The following RAB31 variants were observed in gnomAD, a reference collection of about 807,000 sequenced individuals.
RAB31 encodes the protein ras-related protein Rab-31.
RAB31 carries 21 observed loss-of-function variants against 25.6 expected under a neutral mutation model. That is an observed-to-expected ratio of 0.82 (90% confidence interval 0.58 to 1.18). The LOEUF (loss-of-function observed/expected upper bound fraction) is 1.18. Ranked by LOEUF, RAB31 falls within the 50% of genes most tolerant of loss-of-function variation. The pLI, the probability that RAB31 is intolerant of heterozygous loss-of-function variation, is 0.00. For missense variants in RAB31, 196 were observed against 250.1 expected (o/e 0.78, Z 1.46); for synonymous variants, 87 against 84.0 (o/e 1.04, Z -0.20).
chr18:9,708,581 C>A lies in RAB31; in HGVS notation c.39+137C>A. The A allele has an allele frequency of 2.6e-6, 2 of 761,696 alleles. No individual in the cohort carries two copies. The highest frequency in any genetic ancestry group is 2.5e-5 in the South Asian group (1 of 39,766). 47.2% of individuals were successfully genotyped at this position (761,696 alleles called of 1,614,324 possible). Reference sequence around the variant, plus strand: ...TCTCGTAGCCCCCGTCCCCCTCGTCCGCGCGCCCCCTGGTTCCCCGGGTCC... The same window carrying A: ...TCTCGTAGCCCCCGTCCCCCTCGTCAGCGCGCCCCCTGGTTCCCCGGGTCC... On this transcript the variant is annotated intron_variant, in intron 1 of 6. Transcript: ENST00000578921. The surrounding 1 kb of genome is among the most constrained non-coding windows in gnomAD (Gnocchi z 6.4).
chr18:9,851,589 T>C (rs1158037609), intron 6 of RAB31, among the ~76,000 whole-genome samples: 8 of 152,206 alleles, frequency 5.3e-5, no homozygotes, highest in African/African-American at 1.2e-4. Flanking sequence ...CCGGGGCACA[T>C]GCTCTTAGCT....
intron 1 of RAB31, among the ~76,000 whole-genome samples, chr18:9,772,452 G>C (rs930447494): frequency 6.6e-6 from 1 of 152,228 alleles, no homozygotes; most frequent in African/African-American, 2.4e-5. Flanking sequence ...CTGTGTGCTG[G>C]TCCTCCTGCC....
chr18:9,782,481 A>C (rs982552706), intron 2 of RAB31, among the ~76,000 whole-genome samples: 4 of 152,210 alleles, frequency 2.6e-5, no homozygotes, highest in Non-Finnish European at 5.9e-5. Context: ...CACACTGAAA[A>C]ACCTTGGCTC....
intron 1 of RAB31, among the ~76,000 whole-genome samples, chr18:9,773,304 C>T (rs2068354881): frequency 2.0e-5 from 3 of 152,192 alleles, no homozygotes; most frequent in Non-Finnish European, 4.4e-5. Context: ...AAGAAAACCA[C>T]ATTTCTCTGA....
intron 2 of RAB31, among the ~76,000 whole-genome samples, chr18:9,788,655 G>A (rs1270860209): frequency 6.6e-6 from 1 of 152,188 alleles, no homozygotes; most frequent in Non-Finnish European, 1.5e-5. Flanking sequence ...ATCAACCCAA[G>A]TGTCCATCAT....
chr18:9,717,062 C>T (rs2068048502), intron 1 of RAB31, among the ~76,000 whole-genome samples: 1 of 151,506 alleles, frequency 6.6e-6, no homozygotes, highest in Admixed American at 6.6e-5. Flanking sequence ...TTTGCCCAGC[C>T]AAAAAGTGGG....
chr18:9,843,272 C>A (rs2068743078), intron 5 of RAB31, among the ~76,000 whole-genome samples: 2 of 152,166 alleles, frequency 1.3e-5, no homozygotes, highest in South Asian at 2.1e-4. Context: ...AGGCTGGGCG[C>A]AGTGGTGCAA....
chr18:9,840,871 GTACTGTCAAAGGAAGGAATTATGAT>G (rs993611404), intron 5 of RAB31, among the ~76,000 whole-genome samples: 2 of 152,134 alleles, frequency 1.3e-5, no homozygotes, highest in African/African-American at 4.8e-5. Context: ...GGAAAGCACT[GTACTGTCAAAGGAAGGAATTATGAT>G]TACTGTCAAA....
intron 2 of RAB31, among the ~76,000 whole-genome samples, chr18:9,777,054 T>C (rs1568176377): frequency 6.6e-6 from 1 of 152,210 alleles, no homozygotes; most frequent in East Asian, 1.9e-4. Context: ...TAAAAAAATA[T>C]ATATCCACCG....
At chr18:9,736,181 C>T (rs1482455812) in intron 1 of RAB31, among the ~76,000 whole-genome samples, 1 of 152,042 alleles carries the variant, frequency 6.6e-6, no homozygotes, top group African/African-American at 2.4e-5. Flanking sequence ...GCTAGGTTGC[C>T]CAGACTGGTA....
At chr18:9,755,747 G>A (rs1041297180) in intron 1 of RAB31, among the ~76,000 whole-genome samples, 8 of 152,156 alleles carry the variant, frequency 5.3e-5, no homozygotes, top group Non-Finnish European at 1.0e-4. Context: ...AGTCCCAGCC[G>A]TCACACCCCC....
chr18:9,819,183 T>C (rs1264698323), intron 5 of RAB31, among the ~76,000 whole-genome samples: 1 of 152,192 alleles, frequency 6.6e-6, no homozygotes, highest in East Asian at 1.9e-4. Context: ...ATCACAAATA[T>C]TTATTAATGT....
At chr18:9,773,511 G>A (rs1191763944) in intron 1 of RAB31, among the ~76,000 whole-genome samples, 1 of 152,170 alleles carries the variant, frequency 6.6e-6, no homozygotes, top group African/African-American at 2.4e-5. Context: ...CTTGGGTCCT[G>A]TGTCCTCTGC....
intron 5 of RAB31, among the ~76,000 whole-genome samples, chr18:9,821,206 T>A (rs781462647): frequency 2.0e-5 from 3 of 152,114 alleles, no homozygotes; most frequent in Non-Finnish European, 4.4e-5. Context: ...AAACATACTT[T>A]GTATGATTTT....
chr18:9,793,536 T>C (rs944740774), intron 3 of RAB31, among the ~76,000 whole-genome samples: 22 of 151,888 alleles, frequency 1.4e-4, no homozygotes, highest in Admixed American at 7.9e-4. Context: ...GTGGTGGGCA[T>C]CTGTAGTCCC....
intron 5 of RAB31, among the ~76,000 whole-genome samples, chr18:9,839,674 G>A (rs773508392): frequency 2.0e-4 from 31 of 152,164 alleles, no homozygotes; most frequent in Admixed American, 5.9e-4. Flanking sequence ...AAGTCCATTT[G>A]CCCTGAGCAG....
intron 2 of RAB31, among the ~76,000 whole-genome samples, chr18:9,779,958 T>A (rs1052707518): frequency 1.3e-5 from 2 of 152,200 alleles, no homozygotes; most frequent in African/African-American, 4.8e-5. Context: ...GTGGAACATT[T>A]GAGCCCAGGA....
At chr18:9,784,203 A>AT (rs34471682) in intron 2 of RAB31, among the ~76,000 whole-genome samples, 54,288 of 148,806 alleles carry the variant, frequency 0.36, 13,978 homozygotes, top group East Asian at 0.79. Context: ...TGCCTGGCTG[A>AT]TTTTTTTTTT....
chr18:9,742,152 G>A (rs981938442), intron 1 of RAB31, among the ~76,000 whole-genome samples: 15 of 152,354 alleles, frequency 9.8e-5, no homozygotes, highest in African/African-American at 3.6e-4. Flanking sequence ...TGGATTGAGA[G>A]TTGCAACTGT....
Sources: allele counts gnomAD v4.1 joint callset (sites outside exome capture counted in the v4.1 genomes callset), GRCh38; gene constraint gnomAD v4.1.1; non-coding constraint Gnocchi (gnomAD v3.1); transcripts MANE v1.5; gene names NCBI Gene and HGNC (gene_info 2026-07-23, HGNC 2026-07-21).